UNC13B: variants seen among roughly 807,000 people sequenced by gnomAD.
UNC13B encodes the protein protein unc-13 homolog B.
In UNC13B, 144 loss-of-function variants were observed where a neutral mutation model predicts 211.0. The observed-to-expected ratio is 0.68, with a 90% CI of 0.60 to 0.78. The LOEUF is 0.78. Among genes scored for constraint, UNC13B ranks in the 30% least tolerant of loss-of-function variants. The probability of loss-of-function intolerance (pLI) is 0.00; values close to 1 mark genes in which losing one functional copy is unlikely to be tolerated. For missense variants in UNC13B, 1,777 were observed against 2,002.0 expected (o/e 0.89, Z 2.14); for synonymous variants, 709 against 725.8 (o/e 0.98, Z 0.37).
chr9:35,202,177 G>C (rs1169551457), intron 1 of UNC13B, among the ~76,000 whole-genome samples: 1 of 152,142 alleles, frequency 6.6e-6, no homozygotes, highest in Non-Finnish European at 1.5e-5. Context: ...CTGAGTTCTA[G>C]TTTGATTGCA....
rs949152189 is a variant in UNC13B, at chr9:35,288,060, A to T, written c.527-7636A>T. ...TTTATTTACTCATTAAATGCTATTGATTTTCCCTCCAGAATATCTTATGAA... is the reference window on the plus strand; with the variant it reads ...TTTATTTACTCATTAAATGCTATTGTTTTTCCCTCCAGAATATCTTATGAA... On this transcript the variant is annotated intron_variant, in intron 7 of 39. Coordinates refer to ENST00000635942, the MANE Select transcript of UNC13B (RefSeq NM_001371189.2). Among the ~76,000 whole-genome samples the T allele has an allele frequency of 1.3e-5, 2 of 151,766 alleles. 1 individual carries two copies. The highest frequency in any genetic ancestry group is 4.2e-4 in the South Asian group (2 of 4,798).
chr9:35,261,361 C>T (rs1348255851), intron 7 of UNC13B, among the ~76,000 whole-genome samples: 1 of 152,028 alleles, frequency 6.6e-6, no homozygotes, highest in African/African-American at 2.4e-5. Flanking sequence ...TGATCACAAT[C>T]AAGAAATTTA....
chr9:35,289,640 C>G (rs1463820662), intron 7 of UNC13B, among the ~76,000 whole-genome samples: 1 of 152,064 alleles, frequency 6.6e-6, no homozygotes, highest in Non-Finnish European at 1.5e-5. Context: ...GATCATATAG[C>G]TAGTAAATCG....
At chr9:35,253,052 A>C (rs184490713) in intron 6 of UNC13B, among the ~76,000 whole-genome samples, 1 of 152,336 alleles carries the variant, frequency 6.6e-6, no homozygotes, top group African/African-American at 2.4e-5. Context: ...GCAACTTCTC[A>C]AGGTGACCAG....
rs530005785 is a variant in UNC13B, at chr9:35,386,375, G to A, written c.11094+82G>A. ...TTTCCTTCATGATGGTGGTGGAAAA[G>A]CACTCAGGACAAAGTACTTGATGTT... On this transcript the variant is annotated intron_variant, in intron 24 of 39. Coordinates refer to ENST00000635942, the MANE Select transcript of UNC13B (RefSeq NM_001371189.2). 1.4e-5 allele frequency: 22 copies of A among 1,575,406 alleles called. No individual in the cohort carries two copies. The East Asian group carries it at 4.3e-4, about 31-fold the overall frequency.
intron 39 of UNC13B, 70 bp downstream of exon 39, chr9:35,403,669 G>GC: frequency 1.3e-6 from 1 of 741,386 alleles, no homozygotes; most frequent in Non-Finnish European, 2.2e-6. Flanking sequence ...GGAGAGGAGG[G>GC]CCCGGGGGGA....
Position 35,308,401 on chromosome 9 carries a change from G to A in UNC13B, c.8997G>A (p.Met2999Ile), listed in dbSNP as rs1440754762. Residue 2999 changes from methionine (M) to isoleucine (I), a missense_variant, in exon 9 of 40, where the codon ATG becomes ATA. Coordinates refer to ENST00000635942, the MANE Select transcript of UNC13B (RefSeq NM_001371189.2). ...CTCTGAATGACATCAAGGAGCCCAT[G>A]ACCAACAAAAGGCCTGTTCTTAACT... ...PVTLNDIKEP[M>I]TNKSPTSSSR... The A allele has an allele frequency of 1.0e-5, 4 of 398,800 alleles. No individual in the cohort carries two copies. The highest frequency in any genetic ancestry group is 6.2e-4 in the Middle Eastern group (1 of 1,612). 24.7% of individuals were successfully genotyped at this position (398,800 alleles called of 1,614,324 possible). A position where few individuals can be genotyped will look rare whatever the true frequency, so the allele number is the denominator to read the frequency against.
At position 35,236,538 on chromosome 9, in the gene UNC13B, G is replaced by A. The variant is rs1825522466; in HGVS notation, c.222G>A (p.Met74Ile). The A allele has an allele frequency of 3.1e-6, 5 of 1,614,046 alleles. No homozygotes were observed. The highest frequency in any genetic ancestry group is 4.2e-6 in the Non-Finnish European group (5 of 1,180,006). The part of the protein sequence containing the change: ...VWNKGLIWDT[M>I]VGTVWIALKT... Reference sequence around the variant, plus strand: ...ACAAAGGACTGATCTGGGACACCATGGTGGGGACTGTGTGGATTGCGCTGA... The same window carrying A: ...ACAAAGGACTGATCTGGGACACCATAGTGGGGACTGTGTGGATTGCGCTGA... The change falls in exon 4 of 40, where the codon ATG becomes ATA. Residue 74 changes from methionine (M) to isoleucine (I), a missense_variant. Physicochemically the swap from Met to Ile is conservative, Grantham distance 10. Transcript: ENST00000635942.
At chr9:35,199,168 G>T (rs1254123812) in intron 1 of UNC13B, among the ~76,000 whole-genome samples, 10 of 152,108 alleles carry the variant, frequency 6.6e-5, no homozygotes, top group African/African-American at 1.9e-4. Context: ...CAAAGGACAT[G>T]AACTCATCCT....
At chr9:35,162,513 C>A (rs1156761395) in intron 1 of UNC13B, among the ~76,000 whole-genome samples, 1 of 152,218 alleles carries the variant, frequency 6.6e-6, no homozygotes, top group Admixed American at 6.5e-5. Context: ...GATTAGCTCT[C>A]CATTCTGGTA....
Position 35,295,659 on chromosome 9 carries a change from AGCTGGGGTGCTTTGATTGAATGT to A in UNC13B, c.527-33_527-11del. ...GAAATAATTCTGAAGAACTAAATAAAGCTGGGGTGCTTTGATTGAATGTGCTTATTCCATAGCTTTTGAAGACC... is the reference window on the plus strand; with the variant it reads ...GAAATAATTCTGAAGAACTAAATAAAGCTTATTCCATAGCTTTTGAAGACC... On this transcript the variant is annotated splice_polypyrimidine_tract_variant and intron_variant, in intron 7 of 39. Coordinates refer to ENST00000635942, the MANE Select transcript of UNC13B (RefSeq NM_001371189.2). The A allele has an allele frequency of 1.9e-6, 3 of 1,589,648 alleles. No homozygotes were observed. Among genetic ancestry groups the A allele is most frequent in the Non-Finnish European group, 2.6e-6 (3 of 1,158,402 alleles).
At chr9:35,355,629 A>G (rs2132089404) in intron 11 of UNC13B, among the ~76,000 whole-genome samples, 1 of 152,318 alleles carries the variant, frequency 6.6e-6, no homozygotes, top group African/African-American at 2.4e-5. Flanking sequence ...ATTCATATAT[A>G]CATGCTTCCT....
At chr9:35,174,362 G>C (rs1821501159) in intron 1 of UNC13B, among the ~76,000 whole-genome samples, 1 of 150,156 alleles carries the variant, frequency 6.7e-6, no homozygotes, top group Non-Finnish European at 1.5e-5. Context: ...GTCTCCCTCT[G>C]TCCTCCAGGC....
At chr9:35,221,654 C>T (rs1242858571) in intron 1 of UNC13B, among the ~76,000 whole-genome samples, 1 of 152,158 alleles carries the variant, frequency 6.6e-6, no homozygotes, top group Non-Finnish European at 1.5e-5. Context: ...ACATTCAAAT[C>T]ATAGCACTTG....
Position 35,404,153 on chromosome 9 carries a change from G to C in UNC13B, c.*120G>C. 7.4e-7 allele frequency: 1 copy of C among 1,352,934 alleles called. No individual in the cohort carries two copies. Among genetic ancestry groups the C allele is most frequent in the Non-Finnish European group, 9.8e-7 (1 of 1,020,308 alleles). The allele number at this position is 1,352,934 out of a possible 1,614,324, so 83.8% of individuals were successfully genotyped here. ...CAAGAGGCTGACCCCTTCAGTTAAA[G>C]ATATTTAAGGAAAAATTTGGGGTGG... On this transcript the variant is annotated 3_prime_UTR_variant, in exon 40 of 40. Transcript: ENST00000635942.
chr9:35,270,718 T>G (rs1827827595), intron 7 of UNC13B, among the ~76,000 whole-genome samples: 1 of 152,190 alleles, frequency 6.6e-6, no homozygotes, highest in African/African-American at 2.4e-5. Context: ...TCCCCCAAAC[T>G]TTCTTGTCCT....
Position 35,162,315 on chromosome 9 carries a change from C to A in UNC13B, c.22+10C>A. ...CTGCTCTGCGTGCGCGGTGAGTGCG[C>A]GGACTGAGGCGGGGAGGCGGGGTGT... On this transcript the variant is annotated intron_variant, in intron 1 of 39. Transcript: ENST00000635942. 6.5e-7 allele frequency: 1 copy of A among 1,539,434 alleles called. No individual in the cohort carries two copies. Among genetic ancestry groups the A allele is most frequent in the Non-Finnish European group, 8.7e-7 (1 of 1,147,080 alleles).
In UNC13B at chr9:35,355,049, G is replaced by A. The variant is rs1192087423; in HGVS notation, c.9415-11898G>A. ...AAATTATTGGCACGTCCAAACAATG[G>A]GATATAGTACTGTGTAGCTATAAAA... On this transcript the variant is annotated intron_variant, in intron 11 of 39. Transcript: ENST00000635942. Among the ~76,000 whole-genome samples, 5 of 152,200 alleles carry A rather than the reference G, an allele frequency of 3.3e-5. No individual in the cohort carries two copies. The East Asian group carries it at 9.6e-4, about 29-fold the overall frequency.
intron 1 of UNC13B, among the ~76,000 whole-genome samples, chr9:35,194,730 G>C (rs1274767536): frequency 6.6e-6 from 1 of 152,178 alleles, no homozygotes; most frequent in African/African-American, 2.4e-5. Flanking sequence ...TTTGATGAGC[G>C]TTGTACCTTG....
Sources: gnomAD v4.1 joint callset for allele counts (sites outside exome capture counted in the v4.1 genomes callset) on GRCh38, gnomAD v4.1.1 for gene constraint, MANE v1.5 for transcripts, NCBI Gene and HGNC (gene_info 2026-07-23, HGNC 2026-07-21) for gene names.